PRKCH: variants seen among roughly 807,000 people sequenced by gnomAD.
PRKCH encodes protein kinase C eta type.
In PRKCH, 28 loss-of-function variants were observed where a neutral mutation model predicts 82.5. That is an observed-to-expected ratio of 0.34 (90% CI 0.25 to 0.47). The LOEUF is 0.47. PRKCH is among the 20% of genes least tolerant of loss of function. The probability of loss-of-function intolerance (pLI) is 1.00; values close to 1 mark genes in which losing one functional copy is unlikely to be tolerated. For missense variants in PRKCH, 705 were observed against 881.8 expected (o/e 0.80, Z 2.54); for synonymous variants, 322 against 327.4 (o/e 0.98, Z 0.18).
intron 2 of PRKCH, among the ~76,000 whole-genome samples, chr14:61,439,377 G>T (rs1053894469): frequency 2.0e-5 from 3 of 152,150 alleles, no homozygotes; most frequent in African/African-American, 4.8e-5. Context: ...GAAGCCATGG[G>T]GGCCCATTTT....
At chr14:61,284,131 G>A (rs887990403) in intron 1 of PRKCH, among the ~76,000 whole-genome samples, 1 of 152,204 alleles carries the variant, frequency 6.6e-6, no homozygotes, top group African/African-American at 2.4e-5. Context: ...CAGGTGCAGA[G>A]TTATCTCACC....
chr14:61,408,862 G>A (rs1414603758), intron 2 of PRKCH, among the ~76,000 whole-genome samples: 3 of 152,168 alleles, frequency 2.0e-5, no homozygotes, highest in Non-Finnish European at 4.4e-5. Flanking sequence ...TATTCTAGGA[G>A]GGTGTCAAGT....
chr14:61,416,640 C>T (rs142323742), intron 2 of PRKCH, among the ~76,000 whole-genome samples: 488 of 152,166 alleles, frequency 3.2e-3, no homozygotes, highest in African/African-American at 0.011. Flanking sequence ...TCCCAGCTCT[C>T]CCTCCTCTCT....
At chr14:61,474,572 G>C (rs527695825) in intron 9 of PRKCH, among the ~76,000 whole-genome samples, 2 of 152,262 alleles carry the variant, frequency 1.3e-5, no homozygotes, top group Admixed American at 6.5e-5. Context: ...GGGGGGCTGG[G>C]GGAGGGATAG....
chr14:61,293,938 G>C (rs187111767), intron 1 of PRKCH, among the ~76,000 whole-genome samples: 1 of 152,002 alleles, frequency 6.6e-6, no homozygotes, highest in East Asian at 1.9e-4. Flanking sequence ...TCCATGTTCC[G>C]AGGTGGCCAT....
intron 1 of PRKCH, among the ~76,000 whole-genome samples, chr14:61,352,263 T>C (rs1422665787): frequency 6.6e-6 from 1 of 152,234 alleles, no homozygotes; most frequent in African/African-American, 2.4e-5. Context: ...TTTTGAACTA[T>C]TTCCCTTATT....
intron 1 of PRKCH, among the ~76,000 whole-genome samples, chr14:61,220,012 G>A (rs2140051879): frequency 6.6e-6 from 1 of 152,298 alleles, no homozygotes; most frequent in African/African-American, 2.4e-5. Flanking sequence ...AAGGACTAAA[G>A]AATGCATTGG....
At chr14:61,272,328 CTTTTCTTTTTTCTTTCTTT>C (rs2045162040) in intron 1 of PRKCH, among the ~76,000 whole-genome samples, 5 of 110,190 alleles carry the variant, frequency 4.5e-5, no homozygotes, top group African/African-American at 1.4e-4. Context: ...ATTTCTTTTT[CTTTTCTTTTTTCTTTCTTT>C]TTTTTTTTTT....
chr14:61,193,277 A>G (rs993094974), intron 1 of PRKCH, among the ~76,000 whole-genome samples: 2 of 152,250 alleles, frequency 1.3e-5, no homozygotes, highest in African/African-American at 4.8e-5. Context: ...GTTTTAATTC[A>G]GAGACTTTAA....
intron 1 of PRKCH, among the ~76,000 whole-genome samples, chr14:61,386,935 C>CA (rs758363133): frequency 8.8e-4 from 134 of 151,662 alleles, no homozygotes; most frequent in South Asian, 1.7e-3. Flanking sequence ...GCTCAAATAA[C>CA]AAAAAAAAAT....
intron 1 of PRKCH, among the ~76,000 whole-genome samples, chr14:61,206,450 T>A (rs1454246654): frequency 6.6e-6 from 1 of 152,194 alleles, no homozygotes; most frequent in Non-Finnish European, 1.5e-5. Context: ...CCTGCCCAAA[T>A]TCACTGTGAC....
At chr14:61,420,414 C>T (rs1037895691) in intron 2 of PRKCH, among the ~76,000 whole-genome samples, 4 of 152,096 alleles carry the variant, frequency 2.6e-5, no homozygotes, top group African/African-American at 9.7e-5. Flanking sequence ...TCAGTATAAA[C>T]AAGAACAATA....
chr14:61,241,478 G>T (rs1043556474), intron 1 of PRKCH, among the ~76,000 whole-genome samples: 1 of 152,236 alleles, frequency 6.6e-6, no homozygotes, highest in Non-Finnish European at 1.5e-5. Flanking sequence ...GGACTTTCCT[G>T]TGATCATCCC....
chr14:61,391,612 GTGCCATCTTTTAGTT>G (rs1290173545), intron 2 of PRKCH, among the ~76,000 whole-genome samples: 13 of 151,896 alleles, frequency 8.6e-5, no homozygotes, highest in African/African-American at 3.2e-4. Context: ...CTTTGGTTTT[GTGCCATCTTTTAGTT>G]TGCCTGTGAA....
chr14:61,521,643 C>T (rs1198469522), intron 10 of PRKCH, among the ~76,000 whole-genome samples: 1 of 151,878 alleles, frequency 6.6e-6, no homozygotes, highest in Admixed American at 6.6e-5. Flanking sequence ...TCATGGCTCA[C>T]TGCAGCCTTG....
chr14:61,324,750 C>T (rs1328000915), intron 1 of PRKCH, among the ~76,000 whole-genome samples: 1 of 152,184 alleles, frequency 6.6e-6, no homozygotes, highest in Non-Finnish European at 1.5e-5. Flanking sequence ...TGAGCCACTG[C>T]ATCTGGCCCA....
At chr14:61,432,924 T>TA (rs1555386560) in intron 2 of PRKCH, among the ~76,000 whole-genome samples, 2 of 146,470 alleles carry the variant, frequency 1.4e-5, no homozygotes, top group Non-Finnish European at 3.0e-5. Context: ...AAAAAAAAAG[T>TA]GGGGGGGATA....
At chr14:61,267,739 G>A (rs571524229) in intron 1 of PRKCH, among the ~76,000 whole-genome samples, 83 of 152,154 alleles carry the variant, frequency 5.5e-4, no homozygotes, top group Middle Eastern at 3.4e-3. Flanking sequence ...ATCTGGTTTT[G>A]AATTCAAAAG....
chr14:61,221,796 C>T (rs781677007), intron 1 of PRKCH, among the ~76,000 whole-genome samples: 1 of 152,182 alleles, frequency 6.6e-6, no homozygotes, highest in Non-Finnish European at 1.5e-5. Flanking sequence ...GGAGCATCTT[C>T]CCTTCCTCTT....
Sources: allele counts gnomAD v4.1 joint callset (sites outside exome capture counted in the v4.1 genomes callset), GRCh38; gene constraint gnomAD v4.1.1; transcripts MANE v1.5; gene names NCBI Gene and HGNC (gene_info 2026-07-23, HGNC 2026-07-21).